ALDH1L1: variants seen among roughly 807,000 people sequenced by gnomAD.
ALDH1L1 encodes the protein aldehyde dehydrogenase 1 family member L1.
A neutral mutation model predicts 101.1 loss-of-function variants in ALDH1L1; 68 were observed. That is an observed-to-expected ratio of 0.67 (90% CI 0.55 to 0.82). The LOEUF (loss-of-function observed/expected upper bound fraction) is 0.82, where lower values mean the gene tolerates loss of function less well. Among genes scored for constraint, ALDH1L1 ranks in the 40% least tolerant of loss-of-function variants. The pLI, the probability that ALDH1L1 is intolerant of heterozygous loss-of-function variation, is 0.00. For synonymous variants in ALDH1L1, 486 were observed against 470.8 expected (o/e 1.03, Z -0.42); for missense variants, 1,087 against 1,172.7 (o/e 0.93, Z 1.07).
At chr3:126,137,242 G>A (rs961331483) in intron 10 of ALDH1L1, among the ~76,000 whole-genome samples, 3 of 152,122 alleles carry the variant, frequency 2.0e-5, no homozygotes, top group African/African-American at 7.2e-5. Context: ...ATTCCTCCCT[G>A]AACCCAGGCA....
chr3:126,193,940 C>T (rs2081567307), intron 1 of ALDH1L1, among the ~76,000 whole-genome samples: 1 of 152,100 alleles, frequency 6.6e-6, no homozygotes, highest in South Asian at 2.1e-4. Flanking sequence ...TCAAATGATT[C>T]TAAAGTTATT....
chr3:126,167,278 C>A (rs1040420027), intron 1 of ALDH1L1, among the ~76,000 whole-genome samples: 1 of 152,040 alleles, frequency 6.6e-6, no homozygotes, highest in Non-Finnish European at 1.5e-5. Flanking sequence ...GGCTTAGTGC[C>A]GCATATTTTT....
rs547900205 is a variant in ALDH1L1 at position 126,129,945 on chromosome 3, TG to T, written c.1694+277del. On this transcript the variant is annotated intron_variant, in intron 14 of 22. Coordinates refer to ENST00000393434, the MANE Select transcript of ALDH1L1 (RefSeq NM_012190.4). The stretch of plus-strand genomic sequence containing the variant: ...GCTGTGCAGGAGTTCCTCATCTTTA[TG>T]AACACTGACCACCATACCCATTTTG... The T allele has an allele frequency of 6.3e-5, 17 of 268,744 alleles. No homozygotes were observed. In the East Asian group the frequency reaches 1.1e-3, roughly 17 times the overall value. 16.6% of individuals were successfully genotyped at this position (268,744 alleles called of 1,614,324 possible). A position where few individuals can be genotyped will look rare whatever the true frequency, so the allele number is the denominator to read the frequency against.
At chr3:126,186,019 CA>C (rs1304658150), upstream of ALDH1L1, among the ~76,000 whole-genome samples, 1 of 151,644 alleles carries the variant, frequency 6.6e-6, no homozygotes, top group Non-Finnish European at 1.5e-5. Flanking sequence ...TGGGGGGTGC[CA>C]GGGGCCATGG....
At chr3:126,188,776 T>C (rs1200226753) in intron 1 of ALDH1L1, among the ~76,000 whole-genome samples, 1 of 152,162 alleles carries the variant, frequency 6.6e-6, no homozygotes, top group African/African-American at 2.4e-5. Context: ...TTTGAAAGAA[T>C]ACAATGCACC....
intron 19 of ALDH1L1, 61 bp downstream of exon 19, chr3:126,112,721 T>G (rs1017831931): frequency 2.0e-6 from 3 of 1,504,438 alleles, no homozygotes; most frequent in Non-Finnish European, 2.7e-6. Context: ...TCCAACCCCC[T>G]CCAGCCAGGC....
Position 126,108,279 on chromosome 3 carries a change from T to C in ALDH1L1, c.2348-1033A>G, listed in dbSNP as rs142850680. ...ACCCTGAGAGCTGGTCTCCTGGTCA[T>C]TGGGCCACCAGAAGGCAGCCCCATC... On this transcript the variant is annotated intron_variant, in intron 20 of 22. Coordinates refer to ENST00000393434, the MANE Select transcript of ALDH1L1 (RefSeq NM_012190.4). Among the ~76,000 whole-genome samples, 1,478 of 152,300 alleles carry C rather than the reference T, an allele frequency of 9.7e-3. 31 individuals carry two copies. Among genetic ancestry groups the C allele is most frequent in the African/African-American group, 0.032 (1,325 of 41,554 alleles).
intron 16 of ALDH1L1, 39 bp downstream of exon 16, chr3:126,124,325 G>T: frequency 6.4e-7 from 1 of 1,556,164 alleles, no homozygotes; most frequent in Non-Finnish European, 8.8e-7. Flanking sequence ...ATCTCCAGCT[G>T]CCAGAAGCCC....
intron 17 of ALDH1L1, among the ~76,000 whole-genome samples, chr3:126,116,650 A>G (rs2079977961): frequency 6.6e-6 from 1 of 152,120 alleles, no homozygotes; most frequent in African/African-American, 2.4e-5. Flanking sequence ...CCATTCCCCT[A>G]CCCACGTCAC....
At chr3:126,164,298 G>T (rs1351631811) in intron 1 of ALDH1L1, among the ~76,000 whole-genome samples, 1 of 152,194 alleles carries the variant, frequency 6.6e-6, no homozygotes, top group African/African-American at 2.4e-5. Context: ...AACAGGGGGT[G>T]CAGGTGCAGG....
intron 13 of ALDH1L1, among the ~76,000 whole-genome samples, chr3:126,130,608 G>C (rs975616837): frequency 6.6e-6 from 1 of 152,250 alleles, no homozygotes; most frequent in East Asian, 1.9e-4. Context: ...AAGCAGTTGA[G>C]CACATGTAGA....
chr3:126,187,412 C>T (rs1298702873), intron 1 of ALDH1L1, among the ~76,000 whole-genome samples: 1 of 151,996 alleles, frequency 6.6e-6, no homozygotes, highest in Non-Finnish European at 1.5e-5. Flanking sequence ...GGTACAAGAT[C>T]CCCCCTTGTG....
At chr3:126,162,761 T>C (rs928965551) in intron 1 of ALDH1L1, among the ~76,000 whole-genome samples, 5 of 152,236 alleles carry the variant, frequency 3.3e-5, no homozygotes. Flanking sequence ...AAAAAATCTT[T>C]GCCTACTCCA....
chr3:126,143,095 C>T (rs1241039991), intron 9 of ALDH1L1, among the ~76,000 whole-genome samples: 1 of 152,180 alleles, frequency 6.6e-6, no homozygotes, highest in Admixed American at 6.5e-5. Flanking sequence ...TCATCTAACA[C>T]AAAGCCTATT....
At chr3:126,138,294 T>TA (rs1491134117) in intron 9 of ALDH1L1, among the ~76,000 whole-genome samples, 1 of 131,888 alleles carries the variant, frequency 7.6e-6, no homozygotes, top group Non-Finnish European at 1.6e-5. Flanking sequence ...ATAATAATAA[T>TA]TAGCAGATTA....
intron 1 of ALDH1L1, among the ~76,000 whole-genome samples, chr3:126,191,031 C>A (rs2081550378): frequency 6.6e-6 from 1 of 152,102 alleles, no homozygotes; most frequent in Admixed American, 6.5e-5. Context: ...AGTTTTCAGC[C>A]CAAGACTCAT....
intron 2 of ALDH1L1, chr3:126,159,541 C>G (rs988054208): frequency 2.2e-6 from 1 of 456,506 alleles, no homozygotes; most frequent in African/African-American, 2.0e-5. Flanking sequence ...TCTCCGGTCT[C>G]CTCCTCTGTC....
At chr3:126,116,023 C>T (rs921166005) in intron 17 of ALDH1L1, among the ~76,000 whole-genome samples, 1 of 149,680 alleles carries the variant, frequency 6.7e-6, no homozygotes, top group Non-Finnish European at 1.5e-5. Flanking sequence ...TAGGCATATA[C>T]CACCACACCT....
intron 11 of ALDH1L1, among the ~76,000 whole-genome samples, chr3:126,136,024 G>A (rs573033533): frequency 5.9e-5 from 9 of 152,234 alleles, no homozygotes; most frequent in South Asian, 2.1e-4. Flanking sequence ...CCTGTCTGCC[G>A]CCACAAGACA....
Sources: allele counts gnomAD v4.1 joint callset (sites outside exome capture counted in the v4.1 genomes callset), GRCh38; gene constraint gnomAD v4.1.1; transcripts MANE v1.5; gene names NCBI Gene and HGNC (gene_info 2026-07-23, HGNC 2026-07-21).